Variants in EP400 observed in about 807,000 individuals in gnomAD.
The protein encoded by EP400 is E1A-binding protein p400.
Under a neutral mutation model 354.1 loss-of-function variants are expected in EP400, and 105 were observed. The observed-to-expected ratio is 0.30, with a 90% CI of 0.25 to 0.35. EP400 has a LOEUF of 0.35. Ranked by LOEUF, EP400 falls within the 10% of genes least tolerant of loss-of-function variation. EP400 has a pLI of 1.00. For synonymous variants in EP400, 1,646 were observed against 1,716.9 expected (o/e 0.96, Z 1.02); for missense variants, 3,280 against 4,121.0 (o/e 0.80, Z 5.59).
In EP400 at chr12:131,986,671, A is replaced by G; in HGVS notation, c.2087A>G (p.Asn696Ser). 1.2e-6 allele frequency: 2 copies of G among 1,614,110 alleles called. No individual in the cohort carries two copies. The highest frequency in any genetic ancestry group is 1.7e-6 in the Non-Finnish European group (2 of 1,180,020). ...SPVNRPSSAT[N>S]KALSPVTSRT... ...GTAAATAGACCTTCCTCAGCCACCA[A>G]TAAGGCACTATCTCCAGTCACTTCC... The change falls in exon 6 of 53, where the codon AAT (asparagine) becomes AGT (serine). Residue 696 changes from asparagine to serine, a missense_variant. Transcript: ENST00000389561.
At chr12:132,071,286 G>A (rs1359396023) in intron 51 of EP400, among the ~76,000 whole-genome samples, 2 of 151,830 alleles carry the variant, frequency 1.3e-5, no homozygotes, top group Non-Finnish European at 2.9e-5. Flanking sequence ...GTCTCGGTGC[G>A]AATGATACCC....
chr12:131,992,241 C>T lies in EP400; in HGVS notation c.2737+11C>T, dbSNP rs2136505506. On this transcript the variant is annotated intron_variant, in intron 11 of 52. Transcript: ENST00000389561. ...TGACTGATGACGAAGGTCTGTTCCCCCTCAGCACTATCTTTGTCATCTCCA... is the reference window on the plus strand; with the variant it reads ...TGACTGATGACGAAGGTCTGTTCCCTCTCAGCACTATCTTTGTCATCTCCA... 3 of 1,607,856 alleles carry T rather than the reference C, an allele frequency of 1.9e-6. No individual in the cohort carries two copies. Among genetic ancestry groups the T allele is most frequent in the African/African-American group, 1.3e-5 (1 of 74,886 alleles).
Position 132,023,825 on chromosome 12 carries a change from A to AGAGC in EP400, c.4740_4743dup (p.Arg1582GlufsTer163). 1 of 1,614,014 alleles carries AGAGC rather than the reference A, an allele frequency of 6.2e-7. No individual in the cohort carries two copies. Among genetic ancestry groups the AGAGC allele is most frequent in the Non-Finnish European group, 8.5e-7 (1 of 1,179,960 alleles). Reference sequence around the variant, plus strand: ...CAGCTGGCATCCATCACAGGACCACAGAGCCGCGTGGCTCAGCCAGAGACG... The same window carrying AGAGC: ...CAGCTGGCATCCATCACAGGACCACAGAGCGAGCCGCGTGGCTCAGCCAGAGACG... On this transcript the variant is annotated frameshift_variant, in exon 24 of 53. Coordinates refer to ENST00000389561, the MANE Select transcript of EP400 (RefSeq NM_015409.5). LOFTEE classifies it high-confidence loss of function.
intron 2 of EP400, among the ~76,000 whole-genome samples, chr12:131,968,604 A>G (rs1335089063): frequency 6.6e-6 from 1 of 152,220 alleles, no homozygotes; most frequent in Non-Finnish European, 1.5e-5. Context: ...TGATATCTAC[A>G]AAACATCTTG....
chr12:132,013,194 G>T lies in EP400; in HGVS notation c.3611+16G>T, dbSNP rs145728887. On this transcript the variant is annotated intron_variant, in intron 17 of 52. Coordinates refer to ENST00000389561, the MANE Select transcript of EP400 (RefSeq NM_015409.5). The surrounding 1 kb of genome is among the most constrained non-coding windows in gnomAD (Gnocchi z 4.5). The stretch of plus-strand genomic sequence containing the variant: ...CCCTGCAGAGGTCTGTGTGTTACGC[G>T]CTTGTCATTGAGTGTTCTTTGCTGT... The T allele has an allele frequency of 5.0e-6, 8 of 1,595,894 alleles. No individual in the cohort carries two copies. In the East Asian group the frequency reaches 1.8e-4, roughly 36 times the overall value.
intron 2 of EP400, among the ~76,000 whole-genome samples, chr12:131,968,978 C>T (rs1221414345): frequency 1.3e-5 from 2 of 151,844 alleles, no homozygotes; most frequent in Non-Finnish European, 2.9e-5. Flanking sequence ...CATAGAGAAT[C>T]ATGTCTGCAA....
intron 16 of EP400, among the ~76,000 whole-genome samples, chr12:132,012,467 C>T (rs915698402): frequency 1.4e-4 from 22 of 152,302 alleles, no homozygotes; most frequent in Non-Finnish European, 1.5e-5. Context: ...TGGTTCCCTC[C>T]AGCCCTTTCA....
chr12:131,966,494 C>T (rs71470357), intron 2 of EP400, among the ~76,000 whole-genome samples: 3 of 135,652 alleles, frequency 2.2e-5, no homozygotes, highest in East Asian at 2.4e-4. Flanking sequence ...ACCCAGGAGG[C>T]GGAGGTTGCA....
chr12:131,954,273 T>G (rs1566157316), intron 1 of EP400, among the ~76,000 whole-genome samples: 1 of 151,206 alleles, frequency 6.6e-6, no homozygotes, highest in African/African-American at 2.4e-5. Flanking sequence ...TGTCAGCGTC[T>G]CTGTAGAGAG....
rs1896218290 is a variant in EP400, at chr12:132,075,843, A to C, written c.9022-673A>C. ...GGCCCTTGAAATCAGGGCCCCCAGCAGCTGCCCACGCTGGAGCCTCTCTTG... is the reference window on the plus strand; with the variant it reads ...GGCCCTTGAAATCAGGGCCCCCAGCCGCTGCCCACGCTGGAGCCTCTCTTG... On this transcript the variant is annotated intron_variant, in intron 51 of 52. Coordinates refer to ENST00000389561, the MANE Select transcript of EP400 (RefSeq NM_015409.5). The surrounding 1 kb of genome is among the most constrained non-coding windows in gnomAD (Gnocchi z 4.5). 1 of 153,636 alleles carries C rather than the reference A, an allele frequency of 6.5e-6. No homozygotes were observed. 9.5% of individuals were successfully genotyped at this position (153,636 alleles called of 1,614,324 possible). A position where few individuals can be genotyped will look rare whatever the true frequency, so the allele number is the denominator to read the frequency against.
chr12:132,017,155 G>A lies in EP400; in HGVS notation c.3924-380G>A, dbSNP rs1893969223. Among the ~76,000 whole-genome samples the A allele has an allele frequency of 6.6e-6, 1 of 151,440 alleles. No homozygotes were observed. Among genetic ancestry groups the A allele is most frequent in the African/African-American group, 2.5e-5 (1 of 40,754 alleles). On this transcript the variant is annotated intron_variant, in intron 19 of 52. Coordinates refer to ENST00000389561, the MANE Select transcript of EP400 (RefSeq NM_015409.5). This position sits in a 1 kb window ranked among gnomAD's most constrained non-coding sequence, Gnocchi z 5.0. The stretch of plus-strand genomic sequence containing the variant: ...CTCACTGCCTGCAGGGCCAGTGTAG[G>A]ACCAGGCGTCAGAGCTGCCGAGCGG...
chr12:132,057,406 C>A (rs1895549274), intron 45 of EP400, among the ~76,000 whole-genome samples: 1 of 152,182 alleles, frequency 6.6e-6, no homozygotes, highest in African/African-American at 2.4e-5. Flanking sequence ...TGAACAGTTT[C>A]AGAAAGCTTC....
At position 132,062,593 on chromosome 12, in the gene EP400, A is replaced by AGCAGCAGCAGCAGCAG. The variant is rs1555223312; in HGVS notation, c.8226_8227insGCAGCAGCAGCAGCAG (p.Gln2743AlafsTer245). ...AGCAGCAGCAGCAGCAGCAGCAGCA[A>AGCAGCAGCAGCAGCAG]CAGCAGCAGCAGCAACAGACGACGA... On this transcript the variant is annotated frameshift_variant, in exon 47 of 53. Coordinates refer to ENST00000389561, the MANE Select transcript of EP400 (RefSeq NM_015409.5). LOFTEE classifies it high-confidence loss of function. 8.3e-7 allele frequency: 1 copy of AGCAGCAGCAGCAGCAG among 1,211,038 alleles called. No homozygotes were observed. Among genetic ancestry groups the AGCAGCAGCAGCAGCAG allele is most frequent in the African/African-American group, 1.7e-5 (1 of 59,598 alleles). 75.0% of individuals were successfully genotyped at this position (1,211,038 alleles called of 1,614,324 possible). A position where few individuals can be genotyped will look rare whatever the true frequency, so the allele number is the denominator to read the frequency against.
At chr12:132,065,902 C>T (rs1255023677) in intron 48 of EP400, 2 of 152,182 alleles carry the variant, frequency 1.3e-5, no homozygotes, top group Admixed American at 6.5e-5. Flanking sequence ...TTGGTAATTA[C>T]GCTATGAAAA....
chr12:132,005,303 ATTTAATAAGTATC>A (rs1893545083), intron 13 of EP400, 119 bp downstream of exon 13: 1 of 640,298 alleles, frequency 1.6e-6, no homozygotes, highest in Non-Finnish European at 2.5e-6. Context: ...AATTAGAAAT[ATTTAATAAGTATC>A]TTTATATTGA....
At position 132,031,887 on chromosome 12, in the gene EP400, G is replaced by T. The variant is rs563842464; in HGVS notation, c.5755-66G>T. On this transcript the variant is annotated intron_variant, in intron 29 of 52. Coordinates refer to ENST00000389561, the MANE Select transcript of EP400 (RefSeq NM_015409.5). ...GGATTATTTCTAATTAATAAATGTT[G>T]AAACGTGTCAAAGGTTTCCCAACAT... The T allele has an allele frequency of 4.8e-5, 71 of 1,491,992 alleles. No individual in the cohort carries two copies. The African/African-American group carries it at 9.5e-4, about 20-fold the overall frequency. The allele number at this position is 1,491,992 out of a possible 1,614,324, so 92.4% of individuals were successfully genotyped here.
In EP400 at chr12:132,038,371, C is replaced by G. The variant is rs902701902; in HGVS notation, c.6207+275C>G. On this transcript the variant is annotated intron_variant, in intron 32 of 52. Transcript: ENST00000389561. The surrounding 1 kb of genome is among the most constrained non-coding windows in gnomAD (Gnocchi z 4.2). ...CTTCATCTGCACTTTGCCACAGTCT[C>G]AGCTCCTTCCCCTCCCCATGGAAAT... Among the ~76,000 whole-genome samples the G allele has an allele frequency of 6.6e-6, 1 of 152,238 alleles. No individual in the cohort carries two copies. Among genetic ancestry groups the G allele is most frequent in the South Asian group, 2.1e-4 (1 of 4,832 alleles).
chr12:131,966,735 C>G (rs1405170289), intron 2 of EP400, among the ~76,000 whole-genome samples: 1 of 151,136 alleles, frequency 6.6e-6, no homozygotes, highest in Non-Finnish European at 1.5e-5. Flanking sequence ...GAAACTCCAT[C>G]TCTACTAAAA....
In EP400 at chr12:132,048,519, A is replaced by ATTT. The variant is rs35268260; in HGVS notation, c.7201-1786_7201-1784dup. Among the ~76,000 whole-genome samples the ATTT allele has an allele frequency of 5.8e-4, 77 of 133,610 alleles. 1 individual carries two copies. Among genetic ancestry groups the ATTT allele is most frequent in the African/African-American group, 7.7e-4 (28 of 36,202 alleles). 87.7% of individuals were successfully genotyped at this position (133,610 alleles called of 152,430 possible). A position where few individuals can be genotyped will look rare whatever the true frequency, so the allele number is the denominator to read the frequency against. On this transcript the variant is annotated intron_variant, in intron 39 of 52. Coordinates refer to ENST00000389561, the MANE Select transcript of EP400 (RefSeq NM_015409.5). ...AAAATATTTGTAAAGTTTGAGAGTG[A>ATTT]TTTTTTTTTTTTTTTTTTTTAGACG...
Sources: gnomAD v4.1 joint callset for allele counts (sites outside exome capture counted in the v4.1 genomes callset) on GRCh38, gnomAD v4.1.1 for gene constraint, Gnocchi (gnomAD v3.1) non-coding constraint, MANE v1.5 for transcripts, NCBI Gene and HGNC (gene_info 2026-07-23, HGNC 2026-07-21) for gene names.